TNRC6C: variants seen among roughly 807,000 people sequenced by gnomAD.
The protein encoded by TNRC6C is trinucleotide repeat containing adaptor 6C, also known as trinucleotide repeat-containing gene 6C protein.
TNRC6C carries 20 observed loss-of-function variants against 153.7 expected under a neutral mutation model. That is an observed-to-expected ratio of 0.13 (90% confidence interval 0.09 to 0.19). The LOEUF (loss-of-function observed/expected upper bound fraction) is 0.19. Ranked by LOEUF, TNRC6C falls within the 10% of genes least tolerant of loss-of-function variation. The probability of loss-of-function intolerance (pLI) is 1.00; values close to 1 mark genes in which losing one functional copy is unlikely to be tolerated. For synonymous variants in TNRC6C, 811 were observed against 841.4 expected (o/e 0.96, Z 0.63); for missense variants, 1,987 against 2,172.0 (o/e 0.91, Z 1.69).
chr17:78,020,722 A>G (rs116974863), intron 1 of TNRC6C, among the ~76,000 whole-genome samples: 2,114 of 152,360 alleles, frequency 0.014, 26 homozygotes, highest in Non-Finnish European at 0.02. Flanking sequence ...CGCCATTTCA[A>G]TGTGAAAGCA....
intron 17 of TNRC6C, among the ~76,000 whole-genome samples, chr17:78,099,057 G>A (rs1296732236): frequency 3.9e-5 from 6 of 152,252 alleles, no homozygotes; most frequent in African/African-American, 1.4e-4. Context: ...GGTGCTGCAT[G>A]TCGAACCTCA....
intron 1 of TNRC6C, among the ~76,000 whole-genome samples, chr17:77,972,681 A>G (rs991197203): frequency 6.6e-5 from 10 of 152,220 alleles, no homozygotes; most frequent in African/African-American, 2.4e-4. Context: ...GAAAATTTGA[A>G]TGGACATATA....
At chr17:78,073,336 C>T (rs77245599) in intron 7 of TNRC6C, among the ~76,000 whole-genome samples, 3,290 of 152,250 alleles carry the variant, frequency 0.022, 110 homozygotes, top group East Asian at 0.16. Context: ...CATATTTTCC[C>T]GTTATGTTTT....
At chr17:78,033,189 G>GT (rs1159558095) in intron 2 of TNRC6C, among the ~76,000 whole-genome samples, 1 of 152,208 alleles carries the variant, frequency 6.6e-6, no homozygotes, top group Admixed American at 6.5e-5. Flanking sequence ...TTGGTTGACA[G>GT]TATTGCATCA....
intron 13 of TNRC6C, among the ~76,000 whole-genome samples, chr17:78,089,808 TAAAG>T (rs2073362445): frequency 6.6e-6 from 1 of 152,066 alleles, no homozygotes; most frequent in African/African-American, 2.4e-5. Flanking sequence ...TTACAGTAAA[TAAAG>T]AGGAAGCCTT....
At chr17:78,069,209 T>A (rs1567949835) in intron 5 of TNRC6C, among the ~76,000 whole-genome samples, 4 of 149,896 alleles carry the variant, frequency 2.7e-5, no homozygotes, top group East Asian at 1.9e-4. Context: ...GAAACTGATT[T>A]AAAAAAAAAA....
chr17:78,000,935 T>G (rs1038147512), upstream of TNRC6C, among the ~76,000 whole-genome samples: 2 of 152,172 alleles, frequency 1.3e-5, no homozygotes, highest in Non-Finnish European at 2.9e-5. Flanking sequence ...TTTCACCTTT[T>G]GAATCATTAT....
At chr17:78,101,967 G>T (rs2073604240) in intron 17 of TNRC6C, among the ~76,000 whole-genome samples, 1 of 151,986 alleles carries the variant, frequency 6.6e-6, no homozygotes, top group African/African-American at 2.4e-5. Context: ...TGGGGTGGGG[G>T]TGGGAATCAC....
intron 1 of TNRC6C, among the ~76,000 whole-genome samples, chr17:78,029,935 T>C (rs2072029798): frequency 6.6e-6 from 1 of 151,980 alleles, no homozygotes; most frequent in African/African-American, 2.4e-5. Flanking sequence ...AGGTTTCATC[T>C]CCTGTGATAA....
At chr17:78,007,653 C>T (rs1207210846) in intron 1 of TNRC6C, among the ~76,000 whole-genome samples, 1 of 152,224 alleles carries the variant, frequency 6.6e-6, no homozygotes, top group Non-Finnish European at 1.5e-5. Context: ...CCAGAAGTCT[C>T]AAGGCCCTGA....
intron 16 of TNRC6C, among the ~76,000 whole-genome samples, chr17:78,095,129 A>G (rs995812633): frequency 9.2e-5 from 14 of 152,232 alleles, no homozygotes; most frequent in Non-Finnish European, 1.9e-4. Flanking sequence ...GTTGGAAAGA[A>G]TCGAAGTTGC....
intron 10 of TNRC6C, among the ~76,000 whole-genome samples, chr17:78,082,228 A>G (rs950396779): frequency 6.6e-5 from 10 of 150,914 alleles, no homozygotes; most frequent in African/African-American, 2.2e-4. Context: ...CCACCAATGC[A>G]CTGGATATAC....
intron 1 of TNRC6C, among the ~76,000 whole-genome samples, chr17:77,960,218 A>G (rs879313937): frequency 7.2e-5 from 11 of 152,188 alleles, no homozygotes; most frequent in Non-Finnish European, 1.6e-4. Context: ...GGTTATTTCT[A>G]GGCGTGAACT....
At chr17:78,065,886 A>G (rs1284536149) in intron 4 of TNRC6C, among the ~76,000 whole-genome samples, 6 of 152,192 alleles carry the variant, frequency 3.9e-5, no homozygotes, top group Non-Finnish European at 7.3e-5. Flanking sequence ...TTGCAATGTG[A>G]TATTTGTAAT....
At chr17:78,050,642 A>G in exon 3 of TNRC6C, 3 of 1,567,118 alleles carry the variant, frequency 1.9e-6, no homozygotes, top group South Asian at 1.2e-5. Context: ...GGAGACAGCA[A>G]CAACAAAGCG....
chr17:77,974,169 A>G (rs1048980403), intron 1 of TNRC6C, among the ~76,000 whole-genome samples: 15 of 152,110 alleles, frequency 9.9e-5, no homozygotes, highest in Non-Finnish European at 2.9e-5. Flanking sequence ...CTAGTAAGGG[A>G]CTTGTATTCA....
intron 1 of TNRC6C, among the ~76,000 whole-genome samples, chr17:77,985,395 C>T (rs1008760119): frequency 1.5e-4 from 22 of 151,676 alleles, no homozygotes; most frequent in African/African-American, 5.1e-4. Flanking sequence ...GAGATCGAGA[C>T]CATCTGCCTA....
At chr17:77,986,583 T>A (rs1322517477) in intron 1 of TNRC6C, among the ~76,000 whole-genome samples, 1 of 152,114 alleles carries the variant, frequency 6.6e-6, no homozygotes, top group Admixed American at 6.5e-5. Context: ...AGCATGACAA[T>A]ATGGTTGTAA....
chr17:77,978,920 G>A (rs541556670), intron 1 of TNRC6C, among the ~76,000 whole-genome samples: 2 of 152,258 alleles, frequency 1.3e-5, no homozygotes, highest in Non-Finnish European at 2.9e-5. Context: ...CTTGTCAGAA[G>A]CAAAACTAAA....
Sources: allele counts gnomAD v4.1 joint callset (sites outside exome capture counted in the v4.1 genomes callset), GRCh38; gene constraint gnomAD v4.1.1; transcripts MANE v1.5; gene names NCBI Gene and HGNC (gene_info 2026-07-23, HGNC 2026-07-21).